Variants in RANBP2 observed in about 807,000 individuals in gnomAD.
RANBP2 encodes the protein E3 SUMO-protein ligase RanBP2.
In RANBP2, 57 loss-of-function variants were observed where a neutral mutation model predicts 303.6. The ratio of observed to expected loss-of-function variants is 0.19; its 90% CI spans 0.15 to 0.23. The LOEUF is 0.23. RANBP2 is among the 10% of genes least tolerant of loss of function. The pLI is 1.00. For synonymous variants in RANBP2, 1,167 were observed against 1,301.5 expected, an observed-to-expected ratio of 0.90 and a Z score of 2.23; for missense variants, 3,138 against 3,780.8, an observed-to-expected ratio of 0.83 and a Z score of 4.46.
chr2:109,184,182 T>C, the RANBP2 span, among the ~76,000 whole-genome samples: 1 of 152,142 alleles, frequency 6.6e-6, no homozygotes, highest in Non-Finnish European at 1.5e-5. Context: ...CTTGGGTAAA[T>C]CCATATCTCC....
chr2:109,418,941 C>G, the RANBP2 span, among the ~76,000 whole-genome samples: 2 of 152,164 alleles, frequency 1.3e-5, no homozygotes, highest in Non-Finnish European at 2.9e-5. Context: ...CTCGGCCCCC[C>G]CACTGTCCCC....
chr2:109,628,769 A>T, the RANBP2 span, among the ~76,000 whole-genome samples: 1 of 152,150 alleles, frequency 6.6e-6, no homozygotes, highest in East Asian at 1.9e-4. Context: ...TTCAAAGCAC[A>T]TTCCAGGTAG....
At chr2:109,514,172 T>C in the RANBP2 span, among the ~76,000 whole-genome samples, 1 of 152,202 alleles carries the variant, frequency 6.6e-6, no homozygotes, top group Non-Finnish European at 1.5e-5. Flanking sequence ...AGCATCAAGC[T>C]AGCCGGGCCA....
the RANBP2 span, among the ~76,000 whole-genome samples, chr2:109,397,283 A>G: frequency 1.0e-4 from 15 of 148,488 alleles, no homozygotes; most frequent in East Asian, 2.9e-3. Context: ...GGCAGCTGGC[A>G]TTTACTCAGT....
At chr2:108,840,189 A>G in the RANBP2 span, among the ~76,000 whole-genome samples, 8 of 152,082 alleles carry the variant, frequency 5.3e-5, no homozygotes, top group Non-Finnish European at 1.0e-4. Flanking sequence ...AATAAAACCC[A>G]CTTGGTTGTG....
At chr2:109,282,312 G>A in the RANBP2 span, among the ~76,000 whole-genome samples, 3 of 152,038 alleles carry the variant, frequency 2.0e-5, no homozygotes, top group African/African-American at 7.2e-5. Flanking sequence ...GTTCATAATT[G>A]GTGCAAGTTG....
chr2:108,764,465 G>A lies in RANBP2; in HGVS notation c.3926G>A (p.Gly1309Glu). 6.2e-7 allele frequency: 1 copy of A among 1,613,898 alleles called. No individual in the cohort carries two copies. The highest frequency in any genetic ancestry group is 8.5e-7 in the Non-Finnish European group (1 of 1,179,966). ...EEAQSILKAP[G>E]TNVAMASNQA... ...GCCCAGAGCATTTTAAAAGCCCCAG[G>A]AACAAATGTAGCCATGGCGTCAAAT... is the stretch of plus-strand genomic sequence containing the variant. The change falls in exon 20 of 29, where the codon GGA becomes GAA. Residue 1309 changes from glycine to glutamate, a missense_variant. Around this residue, in one of 20 missense-constraint regions of RANBP2, gnomAD observed 388 missense variants for 328.5 expected, o/e 1.18. Transcript: ENST00000283195.
chr2:109,101,283 T>C, the RANBP2 span, among the ~76,000 whole-genome samples: 1 of 152,026 alleles, frequency 6.6e-6, no homozygotes, highest in Non-Finnish European at 1.5e-5. Flanking sequence ...TCCCAGCACT[T>C]TGAGAGACCG....
the RANBP2 span, among the ~76,000 whole-genome samples, chr2:108,797,294 T>G: frequency 6.6e-6 from 1 of 151,964 alleles, no homozygotes; most frequent in African/African-American, 2.4e-5. Flanking sequence ...GGTGGAAAAC[T>G]AGGAGAATGG....
the RANBP2 span, among the ~76,000 whole-genome samples, chr2:109,451,994 C>T: frequency 1.3e-5 from 2 of 152,214 alleles, no homozygotes; most frequent in African/African-American, 2.4e-5. Context: ...CATTGCCCTC[C>T]CACACATTGT....
Position 108,755,168 on chromosome 2 carries a change from T to G in RANBP2, c.2383-8T>G. On this transcript the variant is annotated splice_region_variant and splice_polypyrimidine_tract_variant and intron_variant, in intron 16 of 28. Coordinates refer to ENST00000283195, the MANE Select transcript of RANBP2 (RefSeq NM_006267.5). ...AAATGCTGTTTTGTTATTTTTATTT[T>G]TTTTTAGTATTCTCCCAAAACACCA... 6.2e-7 allele frequency: 1 copy of G among 1,611,946 alleles called. No individual in the cohort carries two copies. Among genetic ancestry groups the G allele is most frequent in the South Asian group, 1.1e-5 (1 of 90,946 alleles).
the RANBP2 span, among the ~76,000 whole-genome samples, chr2:108,799,439 G>A: frequency 4.3e-4 from 66 of 152,190 alleles, no homozygotes; most frequent in Non-Finnish European, 6.9e-4. Flanking sequence ...GTTCCCTTAC[G>A]CTCTCTTGTA....
chr2:109,413,151 G>A, the RANBP2 span, among the ~76,000 whole-genome samples: 1 of 152,204 alleles, frequency 6.6e-6, no homozygotes, highest in Admixed American at 6.5e-5. Context: ...GTCTTGCTCT[G>A]TCGCCCAGGC....
At chr2:109,774,499 C>CATAT in the RANBP2 span, among the ~76,000 whole-genome samples, 15 of 1,702 alleles carry the variant, frequency 8.8e-3, 1 homozygote, top group South Asian at 0.17. Flanking sequence ...CAAAAACAAA[C>CATAT]ATATATATAT....
At chr2:109,575,038 T>C in the RANBP2 span, among the ~76,000 whole-genome samples, 1 of 152,246 alleles carries the variant, frequency 6.6e-6, no homozygotes, top group Non-Finnish European at 1.5e-5. Context: ...CCAATAAACC[T>C]ATCATAAAGT....
chr2:109,215,058 A>G, the RANBP2 span, among the ~76,000 whole-genome samples: 3 of 152,220 alleles, frequency 2.0e-5, no homozygotes, highest in Non-Finnish European at 4.4e-5. Flanking sequence ...AAAGCTGTCC[A>G]TGGAAAAAAT....
chr2:109,585,618 G>A, the RANBP2 span: 2 of 868,818 alleles, frequency 2.3e-6, no homozygotes, highest in Non-Finnish European at 3.8e-6. Context: ...CTGGGATCAT[G>A]ATTTCAAATT....
intron 24 of RANBP2, among the ~76,000 whole-genome samples, chr2:108,776,693 C>A (rs1211558030): frequency 6.6e-6 from 1 of 152,108 alleles, no homozygotes; most frequent in East Asian, 1.9e-4. Context: ...CCGCAAAAGT[C>A]CTTATGACGA....
chr2:108,757,705 G>C lies in RANBP2; in HGVS notation c.2467-708G>C, dbSNP rs1470115449. Among the ~76,000 whole-genome samples, 3 of 152,192 alleles carry C rather than the reference G, an allele frequency of 2.0e-5. No homozygotes were observed. In the East Asian group the frequency reaches 5.8e-4, roughly 29 times the overall value. ...AAAGAACACACTGAAAGGATGGTCAGTGTAATGTTAGAGGACTGTGAAAGT... is the reference window on the plus strand; with the variant it reads ...AAAGAACACACTGAAAGGATGGTCACTGTAATGTTAGAGGACTGTGAAAGT... On this transcript the variant is annotated intron_variant, in intron 17 of 28. Transcript: ENST00000283195.
Sources: allele counts gnomAD v4.1 joint callset (sites outside exome capture counted in the v4.1 genomes callset), GRCh38; gene constraint gnomAD v4.1.1; regional missense constraint gnomAD v4.1.1; transcripts MANE v1.5; gene names NCBI Gene and HGNC (gene_info 2026-07-23, HGNC 2026-07-21).